The following PCSK5 variants were observed in gnomAD, a reference collection of about 807,000 sequenced individuals.
PCSK5 encodes prohormone convertase 5.
PCSK5 carries 129 observed loss-of-function variants against 233.2 expected under a neutral mutation model. The ratio of observed to expected loss-of-function variants is 0.55; its 90% CI spans 0.48 to 0.64. PCSK5 has a LOEUF of 0.64. Ranked by LOEUF, PCSK5 falls within the 30% of genes least tolerant of loss-of-function variation. PCSK5 has a pLI of 0.00. For synonymous variants in PCSK5, 825 were observed against 879.2 expected (o/e 0.94, Z 1.09); for missense variants, 2,076 against 2,430.1 (o/e 0.85, Z 3.06).
At chr9:76,098,412 C>T (rs1012265727) in intron 8 of PCSK5, among the ~76,000 whole-genome samples, 4 of 152,202 alleles carry the variant, frequency 2.6e-5, no homozygotes, top group Non-Finnish European at 5.9e-5. Flanking sequence ...AATTTTGCCT[C>T]CATTAGAGAA....
At chr9:75,954,178 G>A (rs1824993174) in intron 2 of PCSK5, among the ~76,000 whole-genome samples, 1 of 152,160 alleles carries the variant, frequency 6.6e-6, no homozygotes. Context: ...GTAGAAACAG[G>A]CCTATTTTTT....
At chr9:76,214,430 G>A (rs1271641546) in intron 20 of PCSK5, among the ~76,000 whole-genome samples, 1 of 152,030 alleles carries the variant, frequency 6.6e-6, no homozygotes, top group Non-Finnish European at 1.5e-5. Flanking sequence ...CTTGAAAAAG[G>A]GTATGTATAG....
chr9:75,902,240 A>AAAAAAAAAG (rs1826074307), intron 1 of PCSK5, among the ~76,000 whole-genome samples: 1 of 140,586 alleles, frequency 7.1e-6, no homozygotes, highest in Non-Finnish European at 1.5e-5. Context: ...AAAAAAAAAA[A>AAAAAAAAAG]AAAGAAAAGG....
At chr9:76,297,956 C>A (rs1828495162) in intron 27 of PCSK5, among the ~76,000 whole-genome samples, 1 of 152,128 alleles carries the variant, frequency 6.6e-6, no homozygotes, top group East Asian at 1.9e-4. Flanking sequence ...AGAACACGGG[C>A]CCTATTTCAG....
rs374757632 is a variant in PCSK5, at chr9:75,891,483, T to C, written c.192+110T>C. On this transcript the variant is annotated intron_variant, in intron 1 of 37. Transcript: ENST00000674117. Reference sequence around the variant, plus strand: ...CTTCCAGATGTGCTCTAGCAGCTGTTGCCCTAACTCTTGGGCGATGCTCTG... The same window carrying C: ...CTTCCAGATGTGCTCTAGCAGCTGTCGCCCTAACTCTTGGGCGATGCTCTG... 28 of 889,894 alleles carry C rather than the reference T, an allele frequency of 3.1e-5. No homozygotes were observed. In the East Asian group the frequency reaches 8.3e-4, roughly 26 times the overall value. 55.1% of individuals were successfully genotyped at this position (889,894 alleles called of 1,614,324 possible). A position where few individuals can be genotyped will look rare whatever the true frequency, so the allele number is the denominator to read the frequency against.
At chr9:76,267,371 G>T (rs1043485903) in intron 24 of PCSK5, among the ~76,000 whole-genome samples, 2 of 152,156 alleles carry the variant, frequency 1.3e-5, no homozygotes, top group Non-Finnish European at 2.9e-5. Flanking sequence ...GTGGGGCAAA[G>T]CTCTCTCCAC....
At chr9:76,300,071 C>T (rs1339850358) in intron 27 of PCSK5, among the ~76,000 whole-genome samples, 1 of 152,198 alleles carries the variant, frequency 6.6e-6, no homozygotes, top group Non-Finnish European at 1.5e-5. Context: ...GTGACCACAT[C>T]CTAACAATTT....
chr9:75,891,073 G>C lies in PCSK5; in HGVS notation c.-109G>C, dbSNP rs1217541329. ...CCGATCGCCCGGGGCTGCGAGCTGC[G>C]GCGGCCCGGGGCTGCTCGCCGGGCG... is the stretch of plus-strand genomic sequence containing the variant. On this transcript the variant is annotated 5_prime_UTR_variant, in exon 1 of 38. Coordinates refer to ENST00000674117, the MANE Select transcript of PCSK5 (RefSeq NM_001372043.1). The C allele has an allele frequency of 4.8e-6, 5 of 1,041,600 alleles. No individual in the cohort carries two copies. In the Admixed American group the frequency reaches 1.7e-4, roughly 35 times the overall value. 64.5% of individuals were successfully genotyped at this position (1,041,600 alleles called of 1,614,324 possible).
chr9:76,278,272 T>A (rs1827752792), intron 24 of PCSK5, among the ~76,000 whole-genome samples: 3 of 151,498 alleles, frequency 2.0e-5, no homozygotes, highest in Admixed American at 2.0e-4. Flanking sequence ...TGAATCTTTT[T>A]CAAGGAGATT....
rs182905401 is a variant in PCSK5 at position 75,981,133 on chromosome 9, T to C, written c.298-4999T>C. ...TAACATATGATTTACTACACTCCTT[T>C]ATGAATATTAATCTCGTATCTTCAC... On this transcript the variant is annotated intron_variant, in intron 2 of 37. Transcript: ENST00000674117. Among the ~76,000 whole-genome samples, 58 of 152,370 alleles carry C rather than the reference T, an allele frequency of 3.8e-4. No homozygotes were observed. The East Asian group carries it at 8.5e-3, about 22-fold the overall frequency.
At chr9:75,900,430 G>C (rs1253331315) in intron 1 of PCSK5, among the ~76,000 whole-genome samples, 12 of 152,182 alleles carry the variant, frequency 7.9e-5, no homozygotes, top group Non-Finnish European at 4.4e-5. Flanking sequence ...TGTAATCCCA[G>C]CACTTTGGGA....
intron 1 of PCSK5, among the ~76,000 whole-genome samples, chr9:75,903,194 C>T (rs1009421883): frequency 6.6e-6 from 1 of 152,012 alleles, no homozygotes; most frequent in African/African-American, 2.4e-5. Flanking sequence ...AACTTTACTA[C>T]CTTATAGGAA....
chr9:76,003,459 A>G (rs1283172989), intron 3 of PCSK5, among the ~76,000 whole-genome samples: 21 of 152,232 alleles, frequency 1.4e-4, no homozygotes, highest in Admixed American at 1.4e-3. Context: ...AAACAAGTTG[A>G]AAGAGTAGTA....
chr9:76,279,159 G>T (rs1474015576), intron 24 of PCSK5, among the ~76,000 whole-genome samples: 1 of 145,908 alleles, frequency 6.9e-6, no homozygotes, highest in Non-Finnish European at 1.5e-5. Flanking sequence ...GAGAATATGC[G>T]GTGTTTGGTT....
At chr9:76,199,453 T>A (rs1824828410) in intron 20 of PCSK5, among the ~76,000 whole-genome samples, 1 of 152,200 alleles carries the variant, frequency 6.6e-6, no homozygotes, top group South Asian at 2.1e-4. Context: ...AAGGTGAATT[T>A]TAATATGCTT....
Position 75,891,001 on chromosome 9 carries a change from G to T in PCSK5, c.-181G>T, listed in dbSNP as rs954551115. 2.1e-5 allele frequency: 10 copies of T among 483,118 alleles called. No individual in the cohort carries two copies. The highest frequency in any genetic ancestry group is 3.5e-5 in the Non-Finnish European group (10 of 286,708). The allele number at this position is 483,118 out of a possible 1,614,324, so 29.9% of individuals were successfully genotyped here. A position where few individuals can be genotyped will look rare whatever the true frequency, so the allele number is the denominator to read the frequency against. ...AGCCCCAGGGATGGTCTAGGAGCCG[G>T]CGTAAGGCTCGCTGCTCTGCTCCCT... On this transcript the variant is annotated 5_prime_UTR_variant, in exon 1 of 38. Transcript: ENST00000674117.
intron 8 of PCSK5, among the ~76,000 whole-genome samples, chr9:76,102,565 G>A (rs1471513323): frequency 1.3e-5 from 2 of 152,302 alleles, no homozygotes; most frequent in Non-Finnish European, 2.9e-5. Context: ...TCAGATTAGA[G>A]ATGTTGAACT....
chr9:76,081,139 T>A (rs2131619888), intron 7 of PCSK5, among the ~76,000 whole-genome samples: 1 of 152,316 alleles, frequency 6.6e-6, no homozygotes, highest in Admixed American at 6.5e-5. Flanking sequence ...CCACTTATTA[T>A]ATGCTCCTTT....
intron 35 of PCSK5, among the ~76,000 whole-genome samples, chr9:76,349,692 CA>C (rs1260708286): frequency 6.6e-6 from 1 of 152,146 alleles, no homozygotes; most frequent in Non-Finnish European, 1.5e-5. Context: ...TACCAAGTTC[CA>C]ACTTACAATA....
Sources: allele counts gnomAD v4.1 joint callset (sites outside exome capture counted in the v4.1 genomes callset), GRCh38; gene constraint gnomAD v4.1.1; transcripts MANE v1.5; gene names NCBI Gene and HGNC (gene_info 2026-07-23, HGNC 2026-07-21).